The following FRMD4B variants were observed in gnomAD, a reference collection of about 807,000 sequenced individuals.
The protein encoded by FRMD4B is FERM domain-containing protein 4B.
Under a neutral mutation model 141.5 loss-of-function variants are expected in FRMD4B, and 74 were observed. The ratio of observed to expected loss-of-function variants is 0.52; its 90% confidence interval spans 0.43 to 0.63. The LOEUF (loss-of-function observed/expected upper bound fraction) is 0.63, where lower values mean the gene tolerates loss of function less well. Ranked by LOEUF, FRMD4B falls within the 30% of genes least tolerant of loss-of-function variation. FRMD4B has a pLI of 0.00. For synonymous variants in FRMD4B, 506 were observed against 467.9 expected, an observed-to-expected ratio of 1.08 and a Z score of -1.05; for missense variants, 1,366 against 1,253.4, an observed-to-expected ratio of 1.09 and a Z score of -1.36.
chr3:69,540,613 TAAAA>T (rs1157655761), intron 1 of FRMD4B, among the ~76,000 whole-genome samples: 7 of 14,008 alleles, frequency 5.0e-4, no homozygotes, highest in African/African-American at 1.9e-3. Context: ...ACTCTGTCTC[TAAAA>T]AAAAAAAAAA....
rs183367148 is a variant in FRMD4B at position 69,337,961 on chromosome 3, A to G, written c.163-24444T>C. Among the ~76,000 whole-genome samples the G allele has an allele frequency of 3.5e-3, 534 of 152,360 alleles. 3 individuals carry two copies. The highest frequency in any genetic ancestry group is 0.012 in the African/African-American group (494 of 41,582). On this transcript the variant is annotated intron_variant, in intron 1 of 22. Coordinates refer to ENST00000398540, the MANE Select transcript of FRMD4B (RefSeq NM_015123.3). ...ACCCAGCCATCCCATTACTGGGTAT[A>G]TACCCAAAGGATTATAAAACATGCT... is the stretch of plus-strand genomic sequence containing the variant.
At chr3:69,259,433 CT>C (rs1009457241) in intron 5 of FRMD4B, among the ~76,000 whole-genome samples, 2 of 152,186 alleles carry the variant, frequency 1.3e-5, no homozygotes, top group Non-Finnish European at 2.9e-5. Context: ...TTGGGGACCC[CT>C]GGTATAAAAG....
intron 1 of FRMD4B, among the ~76,000 whole-genome samples, chr3:69,448,860 T>C (rs1310507582): frequency 6.6e-6 from 1 of 152,224 alleles, no homozygotes; most frequent in Non-Finnish European, 1.5e-5. Flanking sequence ...TTAGTGTATA[T>C]TCCTTGAATT....
At chr3:69,378,754 G>T (rs970311447) in intron 1 of FRMD4B, among the ~76,000 whole-genome samples, 3 of 151,650 alleles carry the variant, frequency 2.0e-5, no homozygotes. Flanking sequence ...TCAAGTTCAG[G>T]CATTATTCTC....
At chr3:69,490,337 TTTTC>T (rs1283158166) in intron 1 of FRMD4B, among the ~76,000 whole-genome samples, 11 of 152,250 alleles carry the variant, frequency 7.2e-5, no homozygotes, top group Non-Finnish European at 1.5e-4. Context: ...TGTTAGTCTC[TTTTC>T]TTTAAGATCT....
At chr3:69,370,375 T>C (rs1396787269) in intron 1 of FRMD4B, among the ~76,000 whole-genome samples, 1 of 152,196 alleles carries the variant, frequency 6.6e-6, no homozygotes, top group African/African-American at 2.4e-5. Flanking sequence ...CTGCAGAAGC[T>C]GCCAAGGTCC....
intron 2 of FRMD4B, among the ~76,000 whole-genome samples, chr3:69,421,307 T>A (rs368337163): frequency 9.9e-5 from 15 of 152,238 alleles, no homozygotes; most frequent in African/African-American, 3.4e-4. Flanking sequence ...GTCTCTGGGC[T>A]TTTATTTCCC....
intron 1 of FRMD4B, among the ~76,000 whole-genome samples, chr3:69,372,169 C>T (rs980178710): frequency 1.3e-5 from 2 of 152,222 alleles, no homozygotes; most frequent in Non-Finnish European, 2.9e-5. Context: ...ACGTGCCAAG[C>T]TCCTTCTCAT....
In FRMD4B at chr3:69,477,461, G is replaced by T. The variant is rs571072291; in HGVS notation, c.-128-44700C>A. ...GCCTTTTCTGCATCTATTGAGATAA[G>T]CATGTGGTTTTTGTCTTTGGTTCTG... is the stretch of plus-strand genomic sequence containing the variant. On this transcript the variant is annotated intron_variant, in intron 1 of 5. Transcript: ENST00000459638. Among the ~76,000 whole-genome samples the T allele has an allele frequency of 5.3e-3, 793 of 150,994 alleles. 11 individuals are homozygous for T. Among genetic ancestry groups the T allele is most frequent in the African/African-American group, 0.018 (745 of 40,742 alleles).
intron 3 of FRMD4B, chr3:69,306,717 C>T (rs1385102824): frequency 6.6e-6 from 1 of 152,212 alleles, no homozygotes; most frequent in Non-Finnish European, 1.5e-5. Context: ...CGTTTCTCCT[C>T]TTGGCCTGTG....
chr3:69,369,940 TAATTAGAC>T (rs1267986043), intron 1 of FRMD4B, among the ~76,000 whole-genome samples: 5 of 152,220 alleles, frequency 3.3e-5, no homozygotes. Context: ...TTGATGGTGC[TAATTAGAC>T]ATAATAAGCA....
intron 2 of FRMD4B, among the ~76,000 whole-genome samples, chr3:69,431,604 G>T (rs948132755): frequency 6.6e-6 from 1 of 152,118 alleles, no homozygotes; most frequent in Admixed American, 6.5e-5. Context: ...TTCATCTACT[G>T]AGCAACTCTA....
chr3:69,272,129 T>C (rs571982493), intron 5 of FRMD4B, among the ~76,000 whole-genome samples: 11 of 152,228 alleles, frequency 7.2e-5, no homozygotes, highest in Middle Eastern at 6.8e-3. Flanking sequence ...AGAAGGTACA[T>C]TCACAAGTCT....
At position 69,177,837 on chromosome 3, in the gene FRMD4B, T is replaced by C. The variant is rs75360374; in HGVS notation, c.2852-1181A>G. ...TTCCATAAGTTGACTTATTGAGACT[T>C]GACTATTCCTCAGCCAAAGACAACA... On this transcript the variant is annotated intron_variant, in intron 21 of 22. Transcript: ENST00000398540. Among the ~76,000 whole-genome samples the C allele has an allele frequency of 4.2e-3, 638 of 152,212 alleles. 16 individuals carry two copies. The East Asian group carries it at 0.074, about 18-fold the overall frequency.
intron 1 of FRMD4B, among the ~76,000 whole-genome samples, chr3:69,483,868 C>A (rs1205561382): frequency 6.6e-6 from 1 of 152,000 alleles, no homozygotes; most frequent in Non-Finnish European, 1.5e-5. Flanking sequence ...AAATAAAAAC[C>A]AGTCACATTC....
rs534278929 is a variant in FRMD4B, at chr3:69,245,933, G to C, written c.581+3293C>G. Among the ~76,000 whole-genome samples, 39 of 147,020 alleles carry C rather than the reference G, an allele frequency of 2.7e-4. No homozygotes were observed. In the South Asian group the frequency reaches 7.2e-3, roughly 27 times the overall value. ...GCTCACCACAACCTCTGCCTCCTGGGTTCAAGAGATTCTCCTTCCTCAGCC... is the reference window on the plus strand; with the variant it reads ...GCTCACCACAACCTCTGCCTCCTGGCTTCAAGAGATTCTCCTTCCTCAGCC... On this transcript the variant is annotated intron_variant, in intron 7 of 22. Coordinates refer to ENST00000398540, the MANE Select transcript of FRMD4B (RefSeq NM_015123.3).
Position 69,189,917 on chromosome 3 carries a change from C to T in FRMD4B, c.1750G>A (p.Asp584Asn), listed in dbSNP as rs2092818005. The T allele has an allele frequency of 1.9e-6, 3 of 1,601,502 alleles. No homozygotes were observed. In the East Asian group the frequency reaches 6.7e-5, roughly 36 times the overall value. Residue 584 changes from aspartate to asparagine, a missense_variant, in exon 18 of 23, where the codon GAC (aspartate) becomes AAC (asparagine). Coordinates refer to ENST00000398540, the MANE Select transcript of FRMD4B (RefSeq NM_015123.3). Reference protein sequence around the residue: ...IIPSESSSLSDTTTYDDPSDA... With the variant: ...IIPSESSSLSNTTTYDDPSDA... Reference sequence around the variant, plus strand: ...TTACGATCATCATAGGTGGTGGTGTCAGACAAAGAGCTACTCTCTGAGGGG... The same window carrying T: ...TTACGATCATCATAGGTGGTGGTGTTAGACAAAGAGCTACTCTCTGAGGGG...
rs143413271 is a variant in FRMD4B at position 69,480,851 on chromosome 3, G to A, written c.-128-48090C>T. 9.6e-3 allele frequency among the ~76,000 whole-genome samples: 1,458 copies of A among 152,306 alleles called. 7 individuals are homozygous for A. The highest frequency in any genetic ancestry group is 0.017 in the Non-Finnish European group (1,125 of 68,026). On this transcript the variant is annotated intron_variant, in intron 1 of 5. Coordinates refer to the FRMD4B transcript ENST00000459638. ...AGGCAGGCAGACCTCCTTGAGCTGT[G>A]GTGGGCTCCACCCAGTTCGAGCTTC...
At chr3:69,267,718 T>C (rs761688443) in intron 5 of FRMD4B, among the ~76,000 whole-genome samples, 12 of 148,916 alleles carry the variant, frequency 8.1e-5, no homozygotes, top group Non-Finnish European at 1.3e-4. Flanking sequence ...AGTCTATCTC[T>C]GCCTCCCGGG....
Sources: gnomAD v4.1 joint callset for allele counts (sites outside exome capture counted in the v4.1 genomes callset) on GRCh38, gnomAD v4.1.1 for gene constraint, MANE v1.5 for transcripts, NCBI Gene and HGNC (gene_info 2026-07-23, HGNC 2026-07-21) for gene names.